The following CNTNAP5 variants were observed in gnomAD, a reference collection of about 807,000 sequenced individuals.
CNTNAP5 encodes the protein contactin-associated protein-like 5.
Under a neutral mutation model 150.2 loss-of-function variants are expected in CNTNAP5, and 72 were observed. The observed-to-expected ratio is 0.48, with a 90% CI of 0.40 to 0.58. The LOEUF is 0.58. CNTNAP5 is among the 20% of genes least tolerant of loss of function. CNTNAP5 has a pLI of 0.00. For synonymous variants in CNTNAP5, 672 were observed against 619.8 expected, an observed-to-expected ratio of 1.08 and a Z score of -1.25; for missense variants, 1,636 against 1,626.2, an observed-to-expected ratio of 1.01 and a Z score of -0.10.
At chr2:124,911,124 G>A (rs916164811) in intron 22 of CNTNAP5, among the ~76,000 whole-genome samples, 3 of 151,700 alleles carry the variant, frequency 2.0e-5, no homozygotes, top group African/African-American at 7.3e-5. Context: ...AAGCAGAGCA[G>A]GGCATCATGC....
chr2:124,611,918 CA>C (rs922898416), intron 12 of CNTNAP5, among the ~76,000 whole-genome samples: 1 of 152,138 alleles, frequency 6.6e-6, no homozygotes, highest in Non-Finnish European at 1.5e-5. Context: ...CAGAGGCAGA[CA>C]TTTTTTTTAT....
At chr2:124,681,683 C>A (rs1314863763) in intron 13 of CNTNAP5, among the ~76,000 whole-genome samples, 2 of 152,206 alleles carry the variant, frequency 1.3e-5, no homozygotes, top group African/African-American at 4.8e-5. Flanking sequence ...CCTGCCTCAG[C>A]CTCCTGAGTA....
intron 21 of CNTNAP5, among the ~76,000 whole-genome samples, chr2:124,892,591 C>T (rs1300656012): frequency 6.6e-6 from 1 of 152,034 alleles, no homozygotes; most frequent in Non-Finnish European, 1.5e-5. Flanking sequence ...CTGAGCTGGG[C>T]GGGAGGTTTT....
intron 7 of CNTNAP5, among the ~76,000 whole-genome samples, chr2:124,496,200 G>T (rs1694141535): frequency 6.6e-6 from 1 of 152,108 alleles, no homozygotes. Flanking sequence ...ATGAAAAAGA[G>T]CCTTGATTTG....
intron 1 of CNTNAP5, among the ~76,000 whole-genome samples, chr2:124,181,006 T>A (rs1375907940): frequency 2.0e-5 from 3 of 151,366 alleles, no homozygotes; most frequent in African/African-American, 7.3e-5. Context: ...TGTAAGAGAA[T>A]GTGAAGGGGA....
intron 3 of CNTNAP5, among the ~76,000 whole-genome samples, chr2:124,406,809 A>T (rs1264378031): frequency 6.6e-6 from 1 of 152,148 alleles, no homozygotes; most frequent in Non-Finnish European, 1.5e-5. Flanking sequence ...CTTCTATCTA[A>T]CTACATGTTT....
At position 124,375,496 on chromosome 2, in the gene CNTNAP5, CAAAG is replaced by C. The variant is rs1690623795; in HGVS notation, c.382-41941_382-41938del. Among the ~76,000 whole-genome samples the C allele has an allele frequency of 2.6e-5, 4 of 151,978 alleles. No individual in the cohort carries two copies. The South Asian group carries it at 6.2e-4, about 24-fold the overall frequency. ...GCATTCTATAAAACAACCTGAAAGACAAAGAAAGACTGACAAGACTGTCACAGAT... is the reference window on the plus strand; with the variant it reads ...GCATTCTATAAAACAACCTGAAAGACAAAGACTGACAAGACTGTCACAGAT... On this transcript the variant is annotated intron_variant, in intron 3 of 23. Coordinates refer to ENST00000682447, the MANE Select transcript of CNTNAP5 (RefSeq NM_001367498.1).
rs551105908 is a variant in CNTNAP5 at position 124,875,174 on chromosome 2, A to G, written c.3436+5412A>G. 1.0e-3 allele frequency among the ~76,000 whole-genome samples: 158 copies of G among 152,180 alleles called. 2 individuals are homozygous for G. The highest frequency in any genetic ancestry group is 6.8e-3 in the Middle Eastern group (2 of 294). The stretch of plus-strand genomic sequence containing the variant: ...GTGTCTTGTCCAACATTACAGTATC[A>G]TTGAATGAAAACCCTGAATGCTTTC... On this transcript the variant is annotated intron_variant, in intron 21 of 23. Coordinates refer to ENST00000682447, the MANE Select transcript of CNTNAP5 (RefSeq NM_001367498.1).
intron 19 of CNTNAP5, among the ~76,000 whole-genome samples, chr2:124,856,831 T>C (rs1395248149): frequency 6.6e-6 from 1 of 152,204 alleles, no homozygotes; most frequent in African/African-American, 2.4e-5. Flanking sequence ...TATGTCTACT[T>C]AGACGTATAC....
intron 3 of CNTNAP5, among the ~76,000 whole-genome samples, chr2:124,268,844 C>T (rs1687675561): frequency 6.6e-6 from 1 of 152,122 alleles, no homozygotes; most frequent in African/African-American, 2.4e-5. Flanking sequence ...GAGCTTAGAG[C>T]CCTTTGGTCA....
intron 1 of CNTNAP5, among the ~76,000 whole-genome samples, chr2:124,062,081 TAA>T (rs1682024947): frequency 6.6e-6 from 1 of 152,052 alleles, no homozygotes; most frequent in Admixed American, 6.6e-5. Flanking sequence ...ACCTATCAAC[TAA>T]ATCCAGCCAC....
chr2:124,500,387 C>A (rs1694248810), intron 7 of CNTNAP5, among the ~76,000 whole-genome samples: 2 of 151,912 alleles, frequency 1.3e-5, no homozygotes. Context: ...GCTCTGAATG[C>A]AATAAAGAAA....
At chr2:124,408,860 C>T (rs868067150) in intron 3 of CNTNAP5, among the ~76,000 whole-genome samples, 23 of 152,284 alleles carry the variant, frequency 1.5e-4, no homozygotes, top group African/African-American at 4.8e-4. Flanking sequence ...CAGTTCCTCA[C>T]CAGCAACGGA....
chr2:124,135,664 A>T (rs895819209), intron 1 of CNTNAP5, among the ~76,000 whole-genome samples: 2 of 152,154 alleles, frequency 1.3e-5, no homozygotes, highest in Non-Finnish European at 2.9e-5. Flanking sequence ...TTCCACTCCT[A>T]TTCCTTTCTC....
intron 1 of CNTNAP5, among the ~76,000 whole-genome samples, chr2:124,161,482 C>T (rs1479377233): frequency 6.6e-6 from 1 of 152,166 alleles, no homozygotes; most frequent in Non-Finnish European, 1.5e-5. Context: ...AACCACATGA[C>T]AGCTCCTAGA....
intron 3 of CNTNAP5, among the ~76,000 whole-genome samples, chr2:124,393,602 A>G (rs1035350484): frequency 2.0e-5 from 3 of 152,220 alleles, no homozygotes; most frequent in Non-Finnish European, 2.9e-5. Context: ...TGCTTCACCC[A>G]TAGTATGACA....
At chr2:124,333,432 A>G (rs1444595874) in intron 3 of CNTNAP5, among the ~76,000 whole-genome samples, 1 of 152,236 alleles carries the variant, frequency 6.6e-6, no homozygotes, top group Non-Finnish European at 1.5e-5. Context: ...TAGGAAATTT[A>G]CATATCATCA....
At chr2:124,625,436 C>G (rs907744704) in intron 12 of CNTNAP5, among the ~76,000 whole-genome samples, 2 of 152,178 alleles carry the variant, frequency 1.3e-5, no homozygotes, top group South Asian at 4.1e-4. Flanking sequence ...GCATAGTATA[C>G]TTACTACAGT....
chr2:124,254,935 A>G (rs958213554), intron 3 of CNTNAP5, among the ~76,000 whole-genome samples: 4 of 152,156 alleles, frequency 2.6e-5, no homozygotes, highest in African/African-American at 9.7e-5. Context: ...ACTAGATAAG[A>G]TATTATCTAA....
Sources: gnomAD v4.1 joint callset for allele counts (sites outside exome capture counted in the v4.1 genomes callset) on GRCh38, gnomAD v4.1.1 for gene constraint, MANE v1.5 for transcripts, NCBI Gene and HGNC (gene_info 2026-07-23, HGNC 2026-07-21) for gene names.